Variants in PTK2 observed in about 807,000 individuals in gnomAD.
PTK2 encodes the protein focal adhesion kinase 1.
In PTK2, 45 loss-of-function variants were observed where a neutral mutation model predicts 150.1. That is an observed-to-expected ratio of 0.30 (90% CI 0.24 to 0.38). The LOEUF is 0.38. Among genes scored for constraint, PTK2 ranks in the 10% least tolerant of loss-of-function variants. The probability of loss-of-function intolerance (pLI) is 1.00; values close to 1 mark genes in which losing one functional copy is unlikely to be tolerated. For synonymous variants in PTK2, 432 were observed against 449.2 expected, an observed-to-expected ratio of 0.96 and a Z score of 0.48; for missense variants, 919 against 1,307.3, an observed-to-expected ratio of 0.70 and a Z score of 4.58.
chr8:140,700,382 G>C (rs370213699), intron 26 of PTK2, among the ~76,000 whole-genome samples: 4 of 152,106 alleles, frequency 2.6e-5, no homozygotes, highest in East Asian at 3.9e-4. Flanking sequence ...GTGTTGCCCA[G>C]GCTGGTCTTG....
At chr8:140,787,169 A>T (rs929634513) in intron 14 of PTK2, among the ~76,000 whole-genome samples, 20 of 152,338 alleles carry the variant, frequency 1.3e-4, no homozygotes, top group African/African-American at 4.6e-4. Context: ...ATGAACTCCT[A>T]GTTACGGAAT....
At chr8:140,742,163 C>G (rs1348506424) in intron 20 of PTK2, among the ~76,000 whole-genome samples, 4 of 152,134 alleles carry the variant, frequency 2.6e-5, no homozygotes, top group Admixed American at 1.3e-4. Flanking sequence ...AAAAATCCCA[C>G]CAAACTAATA....
chr8:140,907,877 T>C (rs982036271), intron 2 of PTK2, among the ~76,000 whole-genome samples: 4 of 152,116 alleles, frequency 2.6e-5, no homozygotes, highest in African/African-American at 9.7e-5. Flanking sequence ...TCCTAAGGCC[T>C]CCCTATTCAG....
intron 1 of PTK2, among the ~76,000 whole-genome samples, chr8:140,990,971 G>C (rs905688098): frequency 1.3e-5 from 2 of 152,064 alleles, no homozygotes; most frequent in African/African-American, 4.8e-5. Context: ...ATCAAGCTGT[G>C]GGGGACTCAA....
intron 7 of PTK2, among the ~76,000 whole-genome samples, chr8:140,835,319 CT>C (rs1169617939): frequency 6.6e-6 from 1 of 152,190 alleles, no homozygotes; most frequent in African/African-American, 2.4e-5. Context: ...AGATTCTTGT[CT>C]GTTGACCCTG....
intron 1 of PTK2, among the ~76,000 whole-genome samples, chr8:140,939,010 G>C (rs1431145672): frequency 6.6e-6 from 1 of 150,820 alleles, no homozygotes; most frequent in Non-Finnish European, 1.5e-5. Context: ...GAATATTTTT[G>C]CATAAAAAGT....
intron 12 of PTK2, among the ~76,000 whole-genome samples, chr8:140,798,065 C>T (rs1014602213): frequency 2.6e-5 from 4 of 152,172 alleles, no homozygotes; most frequent in Non-Finnish European, 5.9e-5. Flanking sequence ...TTATTACTGT[C>T]ATGCTATGTT....
chr8:140,738,768 AC>A (rs1317210785), intron 21 of PTK2, among the ~76,000 whole-genome samples: 1 of 152,184 alleles, frequency 6.6e-6, no homozygotes, highest in Non-Finnish European at 1.5e-5. Context: ...GCAAAGGGGA[AC>A]AAAAAGGAAG....
chr8:140,793,345 AG>A lies in PTK2; in HGVS notation c.1124+8del. 2 of 1,606,206 alleles carry A rather than the reference AG, an allele frequency of 1.2e-6. No individual in the cohort carries two copies. The highest frequency in any genetic ancestry group is 1.7e-6 in the Non-Finnish European group (2 of 1,177,766). ...AACAAAATAACAGTACAAAAAAAGC[AG>A]TACTTACTTTGGTATTGATGGCAAA... On this transcript the variant is annotated splice_region_variant and intron_variant, in intron 13 of 31. Coordinates refer to ENST00000522684, the Ensembl canonical transcript of PTK2.
intron 9 of PTK2, 99 bp downstream of exon 9, chr8:140,818,781 A>C (rs1385324514): frequency 7.7e-7 from 1 of 1,296,520 alleles, no homozygotes; most frequent in African/African-American, 1.5e-5. Flanking sequence ...AAAAAATGGG[A>C]CAAGTTAGCA....
At chr8:140,832,652 G>A (rs1002532026) in intron 7 of PTK2, among the ~76,000 whole-genome samples, 3 of 152,092 alleles carry the variant, frequency 2.0e-5, no homozygotes, top group African/African-American at 4.8e-5. Flanking sequence ...CAGGAGAAGC[G>A]GTGAGAAGTG....
chr8:140,680,073 G>A (rs752847273), intron 27 of PTK2, among the ~76,000 whole-genome samples: 2 of 152,290 alleles, frequency 1.3e-5, no homozygotes, highest in East Asian at 3.9e-4. Context: ...TGTGGATGAC[G>A]ACAGTACCCG....
chr8:140,801,230 C>T (rs1317427937), intron 11 of PTK2, among the ~76,000 whole-genome samples: 1 of 152,148 alleles, frequency 6.6e-6, no homozygotes, highest in Non-Finnish European at 1.5e-5. Flanking sequence ...GAGAACTGGC[C>T]GTTAACAGAC....
At chr8:140,856,355 C>A (rs1005669877) in intron 5 of PTK2, among the ~76,000 whole-genome samples, 3 of 145,186 alleles carry the variant, frequency 2.1e-5, no homozygotes, top group African/African-American at 7.6e-5. Context: ...CCAGTCATCT[C>A]AATAATAGTA....
intron 17 of PTK2, chr8:140,751,953 T>A (rs1392637590): frequency 1.7e-6 from 1 of 588,176 alleles, no homozygotes; most frequent in Admixed American, 1.9e-5. Context: ...CACTTATATA[T>A]CTGCACCAAT....
intron 11 of PTK2, among the ~76,000 whole-genome samples, chr8:140,802,046 C>T (rs1285714211): frequency 6.6e-6 from 1 of 150,586 alleles, no homozygotes; most frequent in Non-Finnish European, 1.5e-5. Context: ...TATGTATTTA[C>T]TATTTTTTTT....
intron 26 of PTK2, among the ~76,000 whole-genome samples, chr8:140,693,711 T>C (rs558514881): frequency 1.7e-4 from 25 of 150,726 alleles, no homozygotes; most frequent in Non-Finnish European, 2.9e-4. Context: ...GTTGAGATAA[T>C]GCAGAGATCC....
intron 2 of PTK2, among the ~76,000 whole-genome samples, chr8:140,914,886 A>G (rs1394233430): frequency 1.3e-5 from 2 of 151,974 alleles, no homozygotes; most frequent in Admixed American, 6.6e-5. Flanking sequence ...ACACAAAATT[A>G]GCCGGGCATA....
intron 17 of PTK2, among the ~76,000 whole-genome samples, chr8:140,749,158 A>G (rs2100061271): frequency 6.6e-6 from 1 of 152,206 alleles, no homozygotes; most frequent in Non-Finnish European, 1.5e-5. Flanking sequence ...GTTTTTTTCA[A>G]CAAACATCAC....
Sources: allele counts gnomAD v4.1 joint callset (sites outside exome capture counted in the v4.1 genomes callset), GRCh38; gene constraint gnomAD v4.1.1; transcripts MANE v1.5; gene names NCBI Gene and HGNC (gene_info 2026-07-23, HGNC 2026-07-21).